The following DHX36 variants were observed in gnomAD, a reference collection of about 807,000 sequenced individuals.
DHX36 encodes DEAH-box helicase 36.
DHX36 carries 50 observed loss-of-function variants against 139.0 expected under a neutral mutation model. The ratio of observed to expected loss-of-function variants is 0.36; its 90% CI spans 0.29 to 0.46. DHX36 has a LOEUF of 0.46. DHX36 is among the 20% of genes least tolerant of loss of function. The probability of loss-of-function intolerance (pLI) is 1.00; values close to 1 mark genes in which losing one functional copy is unlikely to be tolerated. For missense variants in DHX36, 1,024 were observed against 1,211.3 expected (o/e 0.85, Z 2.29); for synonymous variants, 425 against 401.9 (o/e 1.06, Z -0.69).
At position 154,309,660 on chromosome 3, in the gene DHX36, G is replaced by A; in HGVS notation, c.806C>T (p.Ala269Val). The A allele has an allele frequency of 6.3e-7, 1 of 1,599,250 alleles. No homozygotes were observed. The highest frequency in any genetic ancestry group is 2.2e-5 in the East Asian group (1 of 44,470). ...AGTTAAGAGATTACTTACTGAAATGGCACTAATTCTTCTTGGCTGAGTACA... is the reference window on the plus strand; with the variant it reads ...AGTTAAGAGATTACTTACTGAAATGACACTAATTCTTCTTGGCTGAGTACA... Reference protein sequence around the residue: ...IVCTQPRRISAISVAERVAAE... With the variant: ...IVCTQPRRISVISVAERVAAE... The change falls in exon 5 of 25, where the codon GCC (alanine) becomes GTC (valine). Residue 269 changes from alanine (A) to valine (V), a missense_variant. Around this residue, in one of 4 missense-constraint regions of DHX36, gnomAD observed 146 missense variants for 215.0 expected, o/e 0.68. Coordinates refer to ENST00000496811, the MANE Select transcript of DHX36 (RefSeq NM_020865.3).
chr3:154,278,275 C>G (rs973483076), intron 22 of DHX36, among the ~76,000 whole-genome samples: 16 of 151,634 alleles, frequency 1.1e-4, no homozygotes, highest in African/African-American at 3.9e-4. Flanking sequence ...CTAATTCAAT[C>G]TCTCAATTCC....
At chr3:154,303,520 G>C (rs1046998729) in intron 8 of DHX36, 110 bp from the exon 9 acceptor site, 10 of 760,228 alleles carry the variant, frequency 1.3e-5, no homozygotes, top group Non-Finnish European at 2.0e-5. Context: ...TCCAGAAAAT[G>C]GTCCTGTAGC....
At chr3:154,294,318 C>T (rs1258547579) in intron 13 of DHX36, among the ~76,000 whole-genome samples, 2 of 151,954 alleles carry the variant, frequency 1.3e-5, no homozygotes, top group Non-Finnish European at 2.9e-5. Flanking sequence ...TCTACAAATA[C>T]TGCCCCACAA....
rs769979088 is a variant in DHX36 at position 154,304,970 on chromosome 3, T to C, written c.971A>G (p.Tyr324Cys). 1.2e-6 allele frequency: 2 copies of C among 1,600,962 alleles called. No homozygotes were observed. Among genetic ancestry groups the C allele is most frequent in the Non-Finnish European group, 1.7e-6 (2 of 1,176,014 alleles). Residue 324 changes from tyrosine to cysteine, a missense_variant and splice_region_variant, in exon 8 of 25, where the codon TAT (tyrosine) becomes TGT (cysteine). Physicochemically the swap from Tyr to Cys is radical, Grantham distance 194. Around this residue, in one of 4 missense-constraint regions of DHX36, gnomAD observed 146 missense variants for 215.0 expected, o/e 0.68. Coordinates refer to ENST00000496811, the MANE Select transcript of DHX36 (RefSeq NM_020865.3). ...IILQWLQSDP[Y>C]LSSVSHIVLD... ...TACGATATGACTAACACTGGACAAA[T>C]ACCTAAGGCAGAAGTGTGAAGTACA...
chr3:154,303,042 A>G (rs1411829276), intron 9 of DHX36, among the ~76,000 whole-genome samples: 2 of 152,102 alleles, frequency 1.3e-5, no homozygotes, highest in Non-Finnish European at 2.9e-5. Flanking sequence ...GCTCCACTGC[A>G]CTCTAGGCTA....
chr3:154,281,153 G>A (rs1719322169), intron 20 of DHX36, among the ~76,000 whole-genome samples: 1 of 151,988 alleles, frequency 6.6e-6, no homozygotes, highest in South Asian at 2.1e-4. Context: ...AATATTACCC[G>A]ACTTTTCACA....
rs1023389080 is a variant in DHX36 at position 154,277,875 on chromosome 3, A to C, written c.2568-157T>G. 6 of 560,236 alleles carry C rather than the reference A, an allele frequency of 1.1e-5. No individual in the cohort carries two copies. The African/African-American group carries it at 1.1e-4, about 11-fold the overall frequency. 34.7% of individuals were successfully genotyped at this position (560,236 alleles called of 1,614,324 possible). ...AGAGAATAATTCAGTTTATTTTTGC[A>C]AAAAAATATATTTATATTTGAGGAC... is the stretch of plus-strand genomic sequence containing the variant. On this transcript the variant is annotated intron_variant, in intron 22 of 24. Coordinates refer to ENST00000496811, the MANE Select transcript of DHX36 (RefSeq NM_020865.3).
chr3:154,287,754 G>C (rs1332790563), intron 17 of DHX36, among the ~76,000 whole-genome samples: 1 of 151,918 alleles, frequency 6.6e-6, no homozygotes, highest in Non-Finnish European at 1.5e-5. Flanking sequence ...CCAATAAAAA[G>C]CGCAGATCAA....
At chr3:154,303,438 A>C (rs1712379816) in intron 8 of DHX36, 28 bp from the exon 9 acceptor site, 1 of 1,483,190 alleles carries the variant, frequency 6.7e-7, no homozygotes, top group African/African-American at 1.4e-5. Flanking sequence ...ATATAAGCAT[A>C]AATTTGTACT....
chr3:154,316,859 T>C (rs927754079), intron 1 of DHX36, among the ~76,000 whole-genome samples: 6 of 151,684 alleles, frequency 4.0e-5, no homozygotes, highest in Non-Finnish European at 8.8e-5. Flanking sequence ...CTTTTATATT[T>C]AGATATAGTA....
intron 13 of DHX36, 60 bp from the exon 14 acceptor site, chr3:154,293,872 G>T (rs529676910): frequency 3.3e-6 from 4 of 1,225,288 alleles, no homozygotes; most frequent in African/African-American, 3.0e-5. Flanking sequence ...CATTATATTT[G>T]TAATTAGAGG....
rs1274484799 is a variant in DHX36, at chr3:154,305,137, A to G, written c.925T>C (p.Tyr309His). 2.5e-6 allele frequency: 4 copies of G among 1,613,504 alleles called. No individual in the cohort carries two copies. The African/African-American group carries it at 4.0e-5, about 16-fold the overall frequency. ...TGAAGGATGATTCCTGTTGTACAGTATAAGATAGAACCCTGTTTCCTTGGC... is the reference window on the plus strand; with the variant it reads ...TGAAGGATGATTCCTGTTGTACAGTGTAAGATAGAACCCTGTTTCCTTGGC... ...RLPRKQGSIL[Y>H]CTTGIILQWL... The change falls in exon 7 of 25, where the codon TAC (tyrosine) becomes CAC (histidine). Residue 309 changes from tyrosine to histidine, a missense_variant. Transcript: ENST00000496811.
At chr3:154,311,743 G>T in intron 3 of DHX36, 69 bp from the exon 4 acceptor site, 2 of 1,249,916 alleles carry the variant, frequency 1.6e-6, no homozygotes, top group Non-Finnish European at 1.1e-6. Context: ...TGGTATTTAG[G>T]ATACATCACA....
chr3:154,303,549 C>T (rs187347502), intron 8 of DHX36, 139 bp from the exon 9 acceptor site: 16 of 573,306 alleles, frequency 2.8e-5, no homozygotes, highest in East Asian at 6.6e-5. Flanking sequence ...TTCTACCCTA[C>T]TTTTCCACAC....
At chr3:154,283,388 A>G in intron 19 of DHX36, 117 bp from the exon 20 acceptor site, 3 of 688,682 alleles carry the variant, frequency 4.4e-6, no homozygotes, top group Admixed American at 2.8e-5. Flanking sequence ...TTTTCTTTGT[A>G]AAAAATTCAA....
chr3:154,299,102 T>C (rs1712159880), intron 12 of DHX36, among the ~76,000 whole-genome samples: 1 of 151,638 alleles, frequency 6.6e-6, no homozygotes, highest in Non-Finnish European at 1.5e-5. Context: ...TGAAACCCCA[T>C]CTCTACTAAA....
intron 1 of DHX36, among the ~76,000 whole-genome samples, chr3:154,323,583 ATTCCT>A (rs1209225300): frequency 2.0e-5 from 3 of 152,094 alleles, no homozygotes; most frequent in African/African-American, 7.2e-5. Context: ...ATCTCTGGAG[ATTCCT>A]TTCATTTTCC....
Position 154,276,305 on chromosome 3 carries a change from G to A in DHX36, c.2893C>T (p.His965Tyr), listed in dbSNP as rs752250569. 6.2e-7 allele frequency: 1 copy of A among 1,613,712 alleles called. No homozygotes were observed. The highest frequency in any genetic ancestry group is 8.5e-7 in the Non-Finnish European group (1 of 1,179,922). ...TTAGTGTCATTCCAGTCTACAGGAT[G>A]AGGACTTTCAATCTTCTCTTGCAGA... ...ILLQEKIESPHPVDWNDTKSR... is the reference protein window; with the variant it reads ...ILLQEKIESPYPVDWNDTKSR... Residue 965 changes from histidine (H) to tyrosine (Y), a missense_variant, in exon 25 of 25, where the codon CAT becomes TAT. Physicochemically the swap from His to Tyr is moderately conservative, Grantham distance 83 (BLOSUM62 2). Transcript: ENST00000496811.
intron 3 of DHX36, among the ~76,000 whole-genome samples, chr3:154,314,264 G>A (rs921880144): frequency 1.9e-4 from 29 of 152,106 alleles, no homozygotes; most frequent in Admixed American, 6.6e-4. Flanking sequence ...ATTCTAATAC[G>A]GAAATCCAAC....
Sources: allele counts gnomAD v4.1 joint callset (sites outside exome capture counted in the v4.1 genomes callset), GRCh38; gene constraint gnomAD v4.1.1; regional missense constraint gnomAD v4.1.1; transcripts MANE v1.5; gene names NCBI Gene and HGNC (gene_info 2026-07-23, HGNC 2026-07-21).